Variants in PLEKHS1 observed in about 807,000 individuals in gnomAD.
PLEKHS1 encodes pleckstrin homology domain containing S1.
PLEKHS1 carries 55 observed loss-of-function variants against 51.0 expected under a neutral mutation model. The observed-to-expected ratio is 1.08, with a 90% CI of 0.87 to 1.35. PLEKHS1 has a LOEUF of 1.35. Ranked by LOEUF, PLEKHS1 falls within the 40% of genes most tolerant of loss-of-function variation. The probability of loss-of-function intolerance (pLI) is 0.00; values close to 1 mark genes in which losing one functional copy is unlikely to be tolerated. For missense variants in PLEKHS1, 398 were observed against 423.0 expected, an observed-to-expected ratio of 0.94 and a Z score of 0.52; for synonymous variants, 153 against 144.8, an observed-to-expected ratio of 1.06 and a Z score of -0.41.
chr10:113,755,995 A>G lies in PLEKHS1; in HGVS notation c.28+690A>G, dbSNP rs191514511. 1.4e-3 allele frequency among the ~76,000 whole-genome samples: 216 copies of G among 152,342 alleles called. 1 individual carries two copies. Among genetic ancestry groups the G allele is most frequent in the African/African-American group, 5.0e-3 (209 of 41,586 alleles). ...CAGGGCTTATTATGAGGGTAGCTCAATGTATGGTATCAAGTATCCTTGCTC... is the reference window on the plus strand; with the variant it reads ...CAGGGCTTATTATGAGGGTAGCTCAGTGTATGGTATCAAGTATCCTTGCTC... On this transcript the variant is annotated intron_variant, in intron 2 of 11. Transcript: ENST00000361048.
intron 1 of PLEKHS1, among the ~76,000 whole-genome samples, chr10:113,753,458 C>T (rs891678303): frequency 2.0e-5 from 3 of 152,186 alleles, no homozygotes; most frequent in Non-Finnish European, 2.9e-5. Flanking sequence ...CAACAGCCTT[C>T]GGCCTCAATA....
At chr10:113,765,408 T>C (rs1448850619) in intron 2 of PLEKHS1, 1 of 779,412 alleles carries the variant, frequency 1.3e-6, no homozygotes, top group Non-Finnish European at 2.4e-6. Context: ...GCACTTTTTC[T>C]GAATCTCTGA....
chr10:113,765,790 A>G (rs138444442), intron 2 of PLEKHS1, among the ~76,000 whole-genome samples: 1 of 152,270 alleles, frequency 6.6e-6, no homozygotes, highest in Non-Finnish European at 1.5e-5. Context: ...ATTTGCTTTC[A>G]CATCCAGGCT....
At chr10:113,763,531 C>G (rs943546837) in intron 2 of PLEKHS1, among the ~76,000 whole-genome samples, 1 of 152,114 alleles carries the variant, frequency 6.6e-6, no homozygotes, top group Non-Finnish European at 1.5e-5. Context: ...TCCCCCTTTT[C>G]TGCCTTCTTT....
intron 1 of PLEKHS1, among the ~76,000 whole-genome samples, chr10:113,753,222 C>T (rs896477728): frequency 3.3e-5 from 5 of 151,996 alleles, no homozygotes; most frequent in African/African-American, 1.2e-4. Context: ...GCATAGGGGG[C>T]GTGGCCAAGT....
exon 4 of PLEKHS1, chr10:113,766,680 T>C (rs1373532269): frequency 1.9e-6 from 3 of 1,612,102 alleles, no homozygotes; most frequent in Non-Finnish European, 2.5e-6. Context: ...TTTCCTATTA[T>C]AAAGACCATC....
At chr10:113,773,392 C>G (rs1380851154) in intron 8 of PLEKHS1, among the ~76,000 whole-genome samples, 1 of 149,748 alleles carries the variant, frequency 6.7e-6, no homozygotes. Context: ...TAAGTAAAGT[C>G]TAGTAAAGCA....
At chr10:113,762,365 C>CTTTTTTTTTTTTTTTT (rs34457408) in intron 2 of PLEKHS1, among the ~76,000 whole-genome samples, 13 of 61,774 alleles carry the variant, frequency 2.1e-4, no homozygotes, top group Admixed American at 2.4e-4. Context: ...AGATTTGTTC[C>CTTTTTTTTTTTTTTTT]TTTTTTTTTT....
chr10:113,758,149 T>C (rs1177320721), intron 2 of PLEKHS1, among the ~76,000 whole-genome samples: 1 of 152,246 alleles, frequency 6.6e-6, no homozygotes, highest in Non-Finnish European at 1.5e-5. Flanking sequence ...GAATCATGAA[T>C]ATTTTTATGA....
Position 113,752,553 on chromosome 10 carries a change from A to AAGTGAT in PLEKHS1, c.-20+793_-20+794insGTGATA, listed in dbSNP as rs1853895068. ...GGGTATCTCAAGTGATACTCCCAGCAATCTGATGAGGGTAGTAATAACCTT... is the reference window on the plus strand; with the variant it reads ...GGGTATCTCAAGTGATACTCCCAGCAAGTGATATCTGATGAGGGTAGTAATAACCTT... On this transcript the variant is annotated intron_variant, in intron 1 of 11. Transcript: ENST00000361048. 4.6e-5 allele frequency among the ~76,000 whole-genome samples: 7 copies of AAGTGAT among 152,324 alleles called. No homozygotes were observed. The South Asian group carries it at 1.5e-3, about 32-fold the overall frequency.
Position 113,771,770 on chromosome 10 carries a change from T to C in PLEKHS1, c.553-200T>C, listed in dbSNP as rs1163176922. ...CGGTAGAGAAAAAAAGCCTGAGTGA[T>C]GTGCTTATATGTTTTCATCCTCAGT... is the stretch of plus-strand genomic sequence containing the variant. On this transcript the variant is annotated intron_variant, in intron 7 of 11. Coordinates refer to ENST00000361048, the Ensembl canonical transcript of PLEKHS1. Among the ~76,000 whole-genome samples the C allele has an allele frequency of 2.6e-5, 4 of 151,656 alleles. No homozygotes were observed. In the East Asian group the frequency reaches 7.7e-4, roughly 29 times the overall value.
At chr10:113,777,287 G>A (rs1844716882) in intron 11 of PLEKHS1, 28 bp downstream of exon 12, 1 of 1,611,254 alleles carries the variant, frequency 6.2e-7, no homozygotes, top group Non-Finnish European at 8.5e-7. Flanking sequence ...GCCCTGAACA[G>A]GGCAAATCAG....
intron 2 of PLEKHS1, among the ~76,000 whole-genome samples, chr10:113,762,585 A>AT (rs907265170): frequency 2.3e-4 from 35 of 151,650 alleles, no homozygotes; most frequent in African/African-American, 5.1e-4. Context: ...TATTTTTGGG[A>AT]TTTTTTAAAT....
exon 12 of PLEKHS1, chr10:113,781,026 C>T: frequency 1.9e-6 from 1 of 513,078 alleles, no homozygotes; most frequent in Non-Finnish European, 3.5e-6. Context: ...TTGTCCCAAA[C>T]ACCACAGACA....
intron 11 of PLEKHS1, among the ~76,000 whole-genome samples, chr10:113,778,643 C>CTCTT (rs1844770263): frequency 7.9e-6 from 1 of 127,114 alleles, no homozygotes; most frequent in Non-Finnish European, 1.6e-5. Flanking sequence ...CGTTCACTTT[C>CTCTT]TTTTTTTTTT....
intron 2 of PLEKHS1, among the ~76,000 whole-genome samples, chr10:113,755,712 C>T (rs954298934): frequency 6.6e-6 from 1 of 152,132 alleles, no homozygotes; most frequent in Non-Finnish European, 1.5e-5. Context: ...GCCCCAGAAC[C>T]CAGGTGGGGA....
chr10:113,752,231 G>A (rs951904610), intron 1 of PLEKHS1, among the ~76,000 whole-genome samples: 10 of 152,116 alleles, frequency 6.6e-5, no homozygotes, highest in East Asian at 1.9e-4. Flanking sequence ...TAATCTCTCC[G>A]ATAACCATTT....
intron 11 of PLEKHS1, chr10:113,777,951 C>T (rs1471380886): frequency 2.4e-6 from 1 of 408,704 alleles, no homozygotes. Flanking sequence ...GATTGCACCA[C>T]TGCACTCCAG....
At chr10:113,756,108 CA>C (rs1365469011) in intron 2 of PLEKHS1, among the ~76,000 whole-genome samples, 1 of 152,152 alleles carries the variant, frequency 6.6e-6, no homozygotes, top group Non-Finnish European at 1.5e-5. Context: ...CAATTCAACT[CA>C]AAAATGTTTA....
Sources: gnomAD v4.1 joint callset for allele counts (sites outside exome capture counted in the v4.1 genomes callset) on GRCh38, gnomAD v4.1.1 for gene constraint, MANE v1.5 for transcripts, NCBI Gene and HGNC (gene_info 2026-07-23, HGNC 2026-07-21) for gene names.